Variants in SOX5 observed in about 807,000 individuals in gnomAD.
SOX5 encodes SRY-box transcription factor 5, also known as transcription factor SOX-5.
In SOX5, 9 loss-of-function variants were observed where a neutral mutation model predicts 92.0. The observed-to-expected ratio is 0.10, with a 90% confidence interval of 0.06 to 0.17. SOX5 has a LOEUF of 0.17. SOX5 is among the 10% of genes least tolerant of loss of function. The probability of loss-of-function intolerance (pLI) is 1.00; values close to 1 mark genes in which losing one functional copy is unlikely to be tolerated. For synonymous variants in SOX5, 344 were observed against 336.3 expected, an observed-to-expected ratio of 1.02 and a Z score of -0.25; for missense variants, 642 against 944.5, an observed-to-expected ratio of 0.68 and a Z score of 4.20.
At chr12:23,632,728 C>T (rs181278593) in intron 8 of SOX5, among the ~76,000 whole-genome samples, 204 of 152,162 alleles carry the variant, frequency 1.3e-3, no homozygotes, top group Non-Finnish European at 2.3e-3. Flanking sequence ...AATATTACTT[C>T]GTATACCTAT....
intron 2 of SOX5, among the ~76,000 whole-genome samples, chr12:24,341,636 T>G (rs1311053001): frequency 6.6e-6 from 1 of 152,224 alleles, no homozygotes; most frequent in African/African-American, 2.4e-5. Context: ...AGTCAAATCC[T>G]GCAAATAACA....
At chr12:23,978,510 C>T (rs1033766845) in intron 4 of SOX5, among the ~76,000 whole-genome samples, 1 of 152,156 alleles carries the variant, frequency 6.6e-6, no homozygotes, top group Non-Finnish European at 1.5e-5. Flanking sequence ...TGCTATATAT[C>T]GTTTTCTAAG....
In SOX5 at chr12:24,361,442, A is replaced by G. The variant is rs538451960; in HGVS notation, c.-174+7121T>C. ...TTCCTCAGCTGAAAAAGTGGGTATA[A>G]TAATACTACCTGTTTCATGGGGTAC... On this transcript the variant is annotated intron_variant, in intron 2 of 4. Coordinates refer to the SOX5 transcript ENST00000446891. Among the ~76,000 whole-genome samples the G allele has an allele frequency of 2.8e-4, 43 of 152,310 alleles. No homozygotes were observed. In the South Asian group the frequency reaches 6.6e-3, roughly 23 times the overall value.
chr12:23,878,440 G>A (rs2096952743), intron 2 of SOX5, among the ~76,000 whole-genome samples: 1 of 151,838 alleles, frequency 6.6e-6, no homozygotes, highest in African/African-American at 2.4e-5. Context: ...AAATATTTAT[G>A]ATGTTTTATC....
intron 3 of SOX5, among the ~76,000 whole-genome samples, chr12:24,258,376 C>T (rs1218075482): frequency 6.6e-6 from 1 of 152,188 alleles, no homozygotes; most frequent in Admixed American, 6.5e-5. Context: ...TTTTAGACGA[C>T]ATCATGCATA....
At chr12:23,557,650 C>A (rs1945412757) in intron 11 of SOX5, among the ~76,000 whole-genome samples, 1 of 152,126 alleles carries the variant, frequency 6.6e-6, no homozygotes, top group Admixed American at 6.5e-5. Flanking sequence ...CTGTGTCATT[C>A]AATTCTTTGT....
Position 24,464,737 on chromosome 12 carries a change from G to C in SOX5, c.-250-96098C>G, listed in dbSNP as rs565411889. 2.0e-5 allele frequency among the ~76,000 whole-genome samples: 3 copies of C among 152,210 alleles called. No homozygotes were observed. In the East Asian group the frequency reaches 5.8e-4, roughly 29 times the overall value. On this transcript the variant is annotated intron_variant, in intron 1 of 4. Transcript: ENST00000446891. ...AAATCCTATGAGATAGAAACTAATAGTAGCCCCACTTTCCAGATGAGGAAA... is the reference window on the plus strand; with the variant it reads ...AAATCCTATGAGATAGAAACTAATACTAGCCCCACTTTCCAGATGAGGAAA...
chr12:24,060,336 G>T (rs1939423233), intron 4 of SOX5, among the ~76,000 whole-genome samples: 1 of 152,180 alleles, frequency 6.6e-6, no homozygotes, highest in East Asian at 1.9e-4. Context: ...GTGGAGCCAG[G>T]AATTGCACCT....
intron 6 of SOX5, among the ~76,000 whole-genome samples, chr12:23,722,009 A>G (rs150329266): frequency 1.4e-3 from 208 of 152,324 alleles, no homozygotes; most frequent in African/African-American, 4.8e-3. Flanking sequence ...GAAATACTGC[A>G]TCTACCTTGT....
chr12:23,702,112 A>T (rs2090726488), intron 6 of SOX5, among the ~76,000 whole-genome samples: 1 of 152,016 alleles, frequency 6.6e-6, no homozygotes, highest in South Asian at 2.1e-4. Flanking sequence ...TATCTCTTAT[A>T]CGCTGTTTTA....
At chr12:24,243,234 A>G (rs954777189) in intron 3 of SOX5, among the ~76,000 whole-genome samples, 3 of 152,196 alleles carry the variant, frequency 2.0e-5, no homozygotes, top group Non-Finnish European at 4.4e-5. Context: ...TAAATACATG[A>G]TATACCAGAG....
intron 1 of SOX5, among the ~76,000 whole-genome samples, chr12:23,907,013 T>C (rs1283408187): frequency 6.6e-6 from 1 of 152,158 alleles, no homozygotes; most frequent in Non-Finnish European, 1.5e-5. Context: ...TTAAAAATTA[T>C]CTGCAGAATC....
intron 8 of SOX5, among the ~76,000 whole-genome samples, chr12:23,624,532 A>G (rs7954149): frequency 0.58 from 88,692 of 151,998 alleles, 26,267 homozygotes; most frequent in African/African-American, 0.67. Context: ...CTGGATTGAA[A>G]GACACTAAAC....
At chr12:23,777,675 A>G (rs1418472386) in intron 3 of SOX5, among the ~76,000 whole-genome samples, 4 of 152,220 alleles carry the variant, frequency 2.6e-5, no homozygotes, top group Non-Finnish European at 5.9e-5. Flanking sequence ...TTAAGCAAAA[A>G]GATCCCTTTC....
intron 3 of SOX5, among the ~76,000 whole-genome samples, chr12:23,839,703 G>A (rs751538292): frequency 4.0e-5 from 6 of 151,424 alleles, no homozygotes; most frequent in African/African-American, 7.3e-5. Context: ...CCATATCAAC[G>A]GTCTAATGAA....
intron 1 of SOX5, among the ~76,000 whole-genome samples, chr12:24,560,912 GTGT>G (rs1393294072): frequency 6.6e-6 from 1 of 152,160 alleles, no homozygotes; most frequent in African/African-American, 2.4e-5. Flanking sequence ...GTCTGTGTGT[GTGT>G]TTTCAGGGTA....
intron 4 of SOX5, among the ~76,000 whole-genome samples, chr12:24,071,044 C>A (rs941428142): frequency 6.6e-6 from 1 of 152,152 alleles, no homozygotes; most frequent in Non-Finnish European, 1.5e-5. Context: ...CTCACTTAGT[C>A]CTGAATACAA....
chr12:24,507,372 T>C (rs1948896577), intron 1 of SOX5, among the ~76,000 whole-genome samples: 1 of 151,622 alleles, frequency 6.6e-6, no homozygotes. Context: ...TTTATAGTTC[T>C]AGGATAGAGA....
At chr12:23,864,648 A>C (rs1194922542) in intron 2 of SOX5, among the ~76,000 whole-genome samples, 1 of 152,216 alleles carries the variant, frequency 6.6e-6, no homozygotes, top group African/African-American at 2.4e-5. Flanking sequence ...CTAATCCAGA[A>C]CAAGGCCCTA....
Sources: allele counts gnomAD v4.1 joint callset (sites outside exome capture counted in the v4.1 genomes callset), GRCh38; gene constraint gnomAD v4.1.1; transcripts MANE v1.5; gene names NCBI Gene and HGNC (gene_info 2026-07-23, HGNC 2026-07-21).